Variants in LMF1 observed in about 807,000 individuals in gnomAD.
LMF1 encodes the protein transmembrane protein 112.
Under a neutral mutation model 60.6 loss-of-function variants are expected in LMF1, and 68 were observed. The observed-to-expected ratio is 1.12, with a 90% CI of 0.92 to 1.37. LMF1 has a LOEUF of 1.37. Among genes scored for constraint, LMF1 ranks in the 40% most tolerant of loss-of-function variants. The pLI is 0.00. For missense variants in LMF1, 948 were observed against 767.2 expected (o/e 1.24, Z -2.78); for synonymous variants, 418 against 324.7 (o/e 1.29, Z -3.09).
intron 1 of LMF1, among the ~76,000 whole-genome samples, chr16:958,569 C>T (rs1239390759): frequency 6.6e-6 from 1 of 152,152 alleles, no homozygotes; most frequent in African/African-American, 2.4e-5. Flanking sequence ...ACACACACGT[C>T]ACATGGCCGA....
At chr16:977,939 TACAC>T (rs1053808883) in intron 1 of LMF1, among the ~76,000 whole-genome samples, 5 of 54,232 alleles carry the variant, frequency 9.2e-5, no homozygotes, top group East Asian at 4.8e-4. Context: ...ACATACATCA[TACAC>T]ACGCACACAC....
At chr16:904,242 T>G (rs1427265617) in intron 4 of LMF1, among the ~76,000 whole-genome samples, 2 of 103,036 alleles carry the variant, frequency 1.9e-5, no homozygotes, top group Non-Finnish European at 1.8e-5. Context: ...TGCTGCGTCG[T>G]GGTGACCTCT....
chr16:918,434 C>T (rs768905372), intron 3 of LMF1, among the ~76,000 whole-genome samples: 7 of 152,330 alleles, frequency 4.6e-5, no homozygotes, highest in Non-Finnish European at 7.4e-5. Flanking sequence ...TTCCCGTCCA[C>T]GGAAATTAGA....
intron 2 of LMF1, among the ~76,000 whole-genome samples, chr16:947,063 G>A (rs1407533531): frequency 3.3e-5 from 5 of 152,202 alleles, no homozygotes; most frequent in African/African-American, 1.2e-4. Context: ...AAGACACCCA[G>A]CACACAGCAA....
chr16:878,594 G>A lies in LMF1; in HGVS notation c.897+976C>T, dbSNP rs138135860. Among the ~76,000 whole-genome samples, 13 of 152,350 alleles carry A rather than the reference G, an allele frequency of 8.5e-5. No homozygotes were observed. Among genetic ancestry groups the A allele is most frequent in the East Asian group, 7.7e-4 (4 of 5,184 alleles). ...CGTGCACAGACGGGACGGGTGAACC[G>A]ACCGCAGGCACGCACCGTGAAACAG... On this transcript the variant is annotated intron_variant, in intron 6 of 10. Transcript: ENST00000262301. The surrounding 1 kb of genome is among the most constrained non-coding windows in gnomAD (Gnocchi z 5.2).
intron 10 of LMF1, chr16:855,867 G>T: frequency 4.4e-6 from 2 of 456,072 alleles, no homozygotes; most frequent in South Asian, 3.1e-5. Flanking sequence ...GCTGGGGGTG[G>T]AGACCTTGGG....
chr16:870,663 G>A (rs2069755970), intron 8 of LMF1, 66 bp downstream of exon 8: 1 of 1,575,256 alleles, frequency 6.3e-7, no homozygotes, highest in Non-Finnish European at 8.7e-7. Flanking sequence ...CCACCTGAAT[G>A]TGGCTGGTCA....
intron 1 of LMF1, among the ~76,000 whole-genome samples, chr16:960,367 A>C (rs2072800590): frequency 9.1e-6 from 1 of 109,502 alleles, no homozygotes; most frequent in Non-Finnish European, 1.9e-5. Flanking sequence ...ACCCAGACAC[A>C]GACTCACGGT....
intron 10 of LMF1, among the ~76,000 whole-genome samples, chr16:856,454 C>T (rs781364740): frequency 9.2e-5 from 14 of 152,184 alleles, no homozygotes; most frequent in Admixed American, 2.6e-4. Flanking sequence ...CAATGCAGTC[C>T]CCAGGCAGGC....
intron 2 of LMF1, among the ~76,000 whole-genome samples, chr16:936,480 G>T (rs2071950464): frequency 7.4e-6 from 1 of 134,802 alleles, no homozygotes; most frequent in Non-Finnish European, 1.6e-5. Context: ...GCTGAGGAAG[G>T]TGGCTGGGAG....
At chr16:859,140 C>T (rs1248506566) in intron 10 of LMF1, among the ~76,000 whole-genome samples, 1 of 122,342 alleles carries the variant, frequency 8.2e-6, no homozygotes, top group Non-Finnish European at 1.6e-5. Context: ...ACTGATGTCA[C>T]GGGACGGGTG....
Position 866,770 on chromosome 16 carries a change from C to T in LMF1, c.1529+2174G>A, listed in dbSNP as rs113142892. 4.9e-3 allele frequency among the ~76,000 whole-genome samples: 753 copies of T among 152,228 alleles called. 9 individuals carry two copies. The highest frequency in any genetic ancestry group is 0.018 in the African/African-American group (728 of 41,524). On this transcript the variant is annotated intron_variant, in intron 10 of 10. Transcript: ENST00000262301. ...GGCTGCTCTTTTCTGGCCCTTTAGT[C>T]AGAGAGAGCAGATTTTTGTTGAGGT...
intron 7 of LMF1, 107 bp from the exon 8 acceptor site, chr16:870,989 G>C: frequency 6.9e-7 from 1 of 1,446,190 alleles, no homozygotes; most frequent in Non-Finnish European, 9.2e-7. Context: ...CCTGGGTCCC[G>C]GGGACGGAGC....
chr16:934,083 C>A (rs781118967), intron 3 of LMF1, 161 bp downstream of exon 3: 12 of 1,522,882 alleles, frequency 7.9e-6, no homozygotes, highest in Admixed American at 2.0e-5. Context: ...GGAGGAGGCA[C>A]GGATCAGATC....
intron 2 of LMF1, among the ~76,000 whole-genome samples, chr16:941,815 T>C (rs1273940828): frequency 1.3e-5 from 2 of 152,214 alleles, no homozygotes; most frequent in African/African-American, 4.8e-5. Context: ...TCGCTTCACG[T>C]AGAATTTAGA....
chr16:931,388 C>T lies in LMF1; in HGVS notation c.514+2856G>A, dbSNP rs371501507. Among the ~76,000 whole-genome samples the T allele has an allele frequency of 1.8e-4, 27 of 152,226 alleles. 1 individual carries two copies. The highest frequency in any genetic ancestry group is 7.8e-4 in the East Asian group (4 of 5,154). On this transcript the variant is annotated intron_variant, in intron 3 of 10. Transcript: ENST00000262301. ...GCCGCAGGGTCCCAGTGACCGACCCCGTGCCCCGCCCTGAACCACCTGATC... is the reference window on the plus strand; with the variant it reads ...GCCGCAGGGTCCCAGTGACCGACCCTGTGCCCCGCCCTGAACCACCTGATC...
chr16:871,054 ACT>A (rs994127000), intron 7 of LMF1, 105 bp downstream of exon 7: 29 of 1,403,720 alleles, frequency 2.1e-5, no homozygotes, highest in Non-Finnish European at 2.7e-5. Flanking sequence ...GACGGCGCTG[ACT>A]CTCCTCCTAC....
chr16:975,313 G>A (rs574044067), upstream of LMF1, among the ~76,000 whole-genome samples: 1 of 152,262 alleles, frequency 6.6e-6, no homozygotes, highest in Admixed American at 6.5e-5. Flanking sequence ...GTTAGGAAAC[G>A]AATGTGTAAT....
chr16:979,935 G>A (rs769880510), intron 1 of LMF1: 15 of 361,560 alleles, frequency 4.1e-5, no homozygotes, highest in Non-Finnish European at 7.2e-5. Flanking sequence ...GACCCCGAGC[G>A]GAGGGCAGGG....
Sources: gnomAD v4.1 joint callset for allele counts (sites outside exome capture counted in the v4.1 genomes callset) on GRCh38, gnomAD v4.1.1 for gene constraint, Gnocchi (gnomAD v3.1) non-coding constraint, MANE v1.5 for transcripts, NCBI Gene and HGNC (gene_info 2026-07-23, HGNC 2026-07-21) for gene names.